TMEM253: variants seen among roughly 807,000 people sequenced by gnomAD.
TMEM253 encodes the protein transmembrane protein 253.
In TMEM253, 22 loss-of-function variants were observed where a neutral mutation model predicts 20.3. That is an observed-to-expected ratio of 1.08 (90% CI 0.78 to 1.55). The LOEUF (loss-of-function observed/expected upper bound fraction) is 1.55, where lower values mean the gene tolerates loss of function less well. TMEM253 is among the 40% of genes most tolerant of loss of function. The probability of loss-of-function intolerance (pLI) is 0.00; values close to 1 mark genes in which losing one functional copy is unlikely to be tolerated. For synonymous variants in TMEM253, 92 were observed against 102.6 expected (o/e 0.90, Z 0.62); for missense variants, 251 against 266.1 (o/e 0.94, Z 0.39).
chr14:21,101,354 G>T (rs1566557184), exon 2 of TMEM253: 1 of 1,551,608 alleles, frequency 6.4e-7, no homozygotes, highest in South Asian at 1.2e-5. Flanking sequence ...ATGGAAGATA[G>T]AGCTGGTGAG....
At chr14:21,103,407 A>G (rs963553081) in exon 7 of TMEM253, 10 of 1,301,310 alleles carry the variant, frequency 7.7e-6, no homozygotes, top group African/African-American at 3.0e-5. Flanking sequence ...AGGGGAAGAT[A>G]CACCTGGACG....
At chr14:21,099,426 T>C (rs1323995511), upstream of TMEM253, among the ~76,000 whole-genome samples, 3 of 152,136 alleles carry the variant, frequency 2.0e-5, no homozygotes, top group Non-Finnish European at 4.4e-5. Context: ...CACGTGGGAA[T>C]TGAGGAGGAG....
chr14:21,102,935 T>G, intron 6 of TMEM253, 156 bp downstream of exon 6: 1 of 1,358,920 alleles, frequency 7.4e-7, no homozygotes, highest in Non-Finnish European at 9.8e-7. Flanking sequence ...CTTTGAACAT[T>G]TCTCCCCTAA....
intron 1 of TMEM253, 34 bp downstream of exon 1, chr14:21,101,218 A>C (rs1451340645): frequency 3.5e-6 from 3 of 846,440 alleles, no homozygotes; most frequent in East Asian, 5.7e-5. Flanking sequence ...AAATCCCTGG[A>C]TATTGGGAGT....
exon 1 of TMEM253, chr14:21,101,153 C>A (rs532053133): frequency 1.3e-4 from 70 of 518,824 alleles, no homozygotes; most frequent in African/African-American, 1.3e-3. Context: ...CCAGCTGGGT[C>A]CCATCCCTTT....
exon 1 of TMEM253, chr14:21,101,121 A>C (rs1007038216): frequency 1.1e-5 from 5 of 436,142 alleles, no homozygotes; most frequent in Non-Finnish European, 1.7e-5. Context: ...TGAGCTATCA[A>C]GCCCCTTAGG....
exon 7 of TMEM253, chr14:21,103,406 T>C (rs1318125792): frequency 1.1e-5 from 14 of 1,296,666 alleles, no homozygotes; most frequent in East Asian, 7.6e-5. Flanking sequence ...TAGGGGAAGA[T>C]ACACCTGGAC....
Position 21,102,529 on chromosome 14 carries a change from A to C in TMEM253, c.387+14A>C, listed in dbSNP as rs1445698076. 1 of 1,551,574 alleles carries C rather than the reference A, an allele frequency of 6.4e-7. No homozygotes were observed. The highest frequency in any genetic ancestry group is 8.7e-7 in the Non-Finnish European group (1 of 1,147,000). On this transcript the variant is annotated intron_variant, in intron 5 of 6. Coordinates refer to ENST00000556585, the Ensembl canonical transcript of TMEM253. ...GCCTCCTCCCAGGTACTGGTCAATGAAGGAGAAGGTGGGAGGATAAGGAGG... is the reference window on the plus strand; with the variant it reads ...GCCTCCTCCCAGGTACTGGTCAATGCAGGAGAAGGTGGGAGGATAAGGAGG...
chr14:21,101,364 G>C (rs767414101), exon 2 of TMEM253: 6 of 1,551,574 alleles, frequency 3.9e-6, no homozygotes, highest in Admixed American at 2.0e-5. Flanking sequence ...GAGCTGGTGA[G>C]CAAGAGCAGG....
At position 21,101,788 on chromosome 14, in the gene TMEM253, C is replaced by A. The variant is rs546336561; in HGVS notation, c.109-77C>A. On this transcript the variant is annotated intron_variant, in intron 2 of 6. Coordinates refer to ENST00000556585, the Ensembl canonical transcript of TMEM253. ...CCTGCATTCAATCCCATTTCCTGAT[C>A]TCTAAAGAGGTAGGAGTTACGAGAA... The A allele has an allele frequency of 8.8e-5, 103 of 1,175,906 alleles. 1 individual carries two copies. In the Middle Eastern group the frequency reaches 9.6e-4, roughly 11 times the overall value. 72.8% of individuals were successfully genotyped at this position (1,175,906 alleles called of 1,614,324 possible).
chr14:21,102,176 A>G, intron 4 of TMEM253, 56 bp downstream of exon 4: 1 of 1,513,286 alleles, frequency 6.6e-7, no homozygotes, highest in Middle Eastern at 1.7e-4. Flanking sequence ...AGACACCTAC[A>G]ACCCTCAGCC....
chr14:21,098,936 G>T, upstream of TMEM253: 1 of 1,051,428 alleles, frequency 9.5e-7, no homozygotes, highest in Non-Finnish European at 1.3e-6. Flanking sequence ...GGAGGAGGAG[G>T]GGCGATTATA....
At chr14:21,100,735 G>C (rs1036119597), upstream of TMEM253, among the ~76,000 whole-genome samples, 26 of 152,166 alleles carry the variant, frequency 1.7e-4, no homozygotes, top group African/African-American at 6.0e-4. Context: ...TGGTCTGGGG[G>C]CAAAGCTGCA....
At chr14:21,098,934 A>G, upstream of TMEM253, 1 of 1,064,484 alleles carries the variant, frequency 9.4e-7, no homozygotes, top group East Asian at 7.2e-5. Flanking sequence ...GGGGAGGAGG[A>G]GGGGCGATTA....
chr14:21,101,148 T>A (rs905351404), exon 1 of TMEM253: 2 of 504,250 alleles, frequency 4.0e-6, no homozygotes, highest in Non-Finnish European at 7.2e-6. Context: ...AGGACCCAGC[T>A]GGGTCCCATC....
chr14:21,102,239 TG>T, intron 4 of TMEM253, 119 bp downstream of exon 4: 1 of 1,410,200 alleles, frequency 7.1e-7, no homozygotes, highest in South Asian at 1.4e-5. Flanking sequence ...CACCACTGAC[TG>T]GCCTCAATCA....
At chr14:21,099,767 C>A (rs1018593450), upstream of TMEM253, among the ~76,000 whole-genome samples, 5 of 152,332 alleles carry the variant, frequency 3.3e-5, no homozygotes, top group East Asian at 9.6e-4. Flanking sequence ...TATTAACTTC[C>A]TTTTATAGAT....
chr14:21,103,026 G>A (rs1252944835), intron 6 of TMEM253, 113 bp from the exon 7 acceptor site: 2 of 1,514,688 alleles, frequency 1.3e-6, no homozygotes, highest in South Asian at 1.2e-5. Context: ...CTAAATATTG[G>A]CAGGACTATG....
At chr14:21,103,383 G>A (rs1889772361) in exon 7 of TMEM253, 5 of 1,420,532 alleles carry the variant, frequency 3.5e-6, no homozygotes, top group Middle Eastern at 2.6e-4. Flanking sequence ...CCCTTTTTTC[G>A]TTCCTTCCCT....
Sources: allele counts gnomAD v4.1 joint callset (sites outside exome capture counted in the v4.1 genomes callset), GRCh38; gene constraint gnomAD v4.1.1; transcripts MANE v1.5; gene names NCBI Gene and HGNC (gene_info 2026-07-23, HGNC 2026-07-21).